The following MCC variants were observed in gnomAD, a reference collection of about 807,000 sequenced individuals.
MCC encodes the protein MCC regulator of Wnt signaling pathway, also known as colorectal mutant cancer protein.
A neutral mutation model predicts 116.2 loss-of-function variants in MCC; 90 were observed. That is an observed-to-expected ratio of 0.77 (90% CI 0.65 to 0.92). MCC has a LOEUF of 0.92. Ranked by LOEUF, MCC falls within the 40% of genes least tolerant of loss-of-function variation. MCC has a pLI of 0.00. For synonymous variants in MCC, 578 were observed against 510.5 expected (o/e 1.13, Z -1.78); for missense variants, 1,516 against 1,312.2 (o/e 1.16, Z -2.40).
intron 11 of MCC, among the ~76,000 whole-genome samples, chr5:113,076,492 T>A (rs984465296): frequency 6.6e-6 from 1 of 151,776 alleles, no homozygotes; most frequent in Admixed American, 6.6e-5. Flanking sequence ...CAGAAGAGAG[T>A]GGGGGCCAAT....
At chr5:113,132,443 T>TACACAC (rs140363649) in intron 5 of MCC, among the ~76,000 whole-genome samples, 7 of 36,578 alleles carry the variant, frequency 1.9e-4, no homozygotes, top group African/African-American at 3.3e-4. Context: ...TATATATATA[T>TACACAC]ACACACACAC....
chr5:113,487,896 G>C (rs760685148), intron 1 of MCC, among the ~76,000 whole-genome samples: 4 of 152,218 alleles, frequency 2.6e-5, no homozygotes, highest in African/African-American at 9.6e-5. Flanking sequence ...CCCCGAGGCT[G>C]TGGGGCAGCC....
intron 1 of MCC, among the ~76,000 whole-genome samples, chr5:113,467,678 T>G (rs140050237): frequency 0.72 from 109,731 of 151,906 alleles, 40,090 homozygotes; most frequent in East Asian, 0.88. Context: ...CTCTTTTTTG[T>G]TTCCATATGA....
chr5:113,152,904 G>A (rs570301693), intron 3 of MCC, among the ~76,000 whole-genome samples: 4 of 152,340 alleles, frequency 2.6e-5, no homozygotes, highest in Non-Finnish European at 4.4e-5. Context: ...GGCTAGGGTG[G>A]CTTGGAAAAG....
At chr5:113,474,577 G>A (rs1013625178) in intron 1 of MCC, among the ~76,000 whole-genome samples, 3 of 152,226 alleles carry the variant, frequency 2.0e-5, no homozygotes, top group African/African-American at 7.2e-5. Flanking sequence ...ACAGGCAACT[G>A]TTGAAGGATT....
chr5:113,289,447 T>A (rs1277147289), intron 3 of MCC, among the ~76,000 whole-genome samples: 1 of 152,126 alleles, frequency 6.6e-6, no homozygotes, highest in Admixed American at 6.5e-5. Context: ...GTGACACCCC[T>A]CTTGGAGAGG....
intron 16 of MCC, 69 bp downstream of exon 16, chr5:113,049,024 C>A: frequency 6.9e-7 from 1 of 1,458,808 alleles, no homozygotes; most frequent in Non-Finnish European, 9.6e-7. Flanking sequence ...GAGGTGTGGC[C>A]AGTGGTCACT....
intron 17 of MCC, among the ~76,000 whole-genome samples, chr5:113,029,868 G>A (rs182462521): frequency 1.6e-4 from 24 of 152,294 alleles, no homozygotes; most frequent in Admixed American, 6.5e-4. Context: ...CTATGTCACC[G>A]TATTACGTGC....
At chr5:113,055,660 CA>C (rs1021830052) in intron 14 of MCC, among the ~76,000 whole-genome samples, 24 of 152,362 alleles carry the variant, frequency 1.6e-4, no homozygotes, top group Admixed American at 1.6e-3. Context: ...TAAGCTAGAT[CA>C]GCCTGACCAT....
chr5:113,312,953 T>C (rs1351451375), intron 3 of MCC, among the ~76,000 whole-genome samples: 1 of 152,162 alleles, frequency 6.6e-6, no homozygotes, highest in Non-Finnish European at 1.5e-5. Flanking sequence ...AAACACAAGA[T>C]TCCTCCTCTT....
At chr5:113,429,933 A>G (rs1178053736) in intron 1 of MCC, among the ~76,000 whole-genome samples, 3 of 152,226 alleles carry the variant, frequency 2.0e-5, no homozygotes, top group Non-Finnish European at 2.9e-5. Flanking sequence ...AACCTAATCA[A>G]GGTCACGTCT....
intron 3 of MCC, among the ~76,000 whole-genome samples, chr5:113,191,982 G>C (rs779432745): frequency 1.3e-5 from 2 of 152,180 alleles, no homozygotes; most frequent in Non-Finnish European, 2.9e-5. Flanking sequence ...CCTACCTGCT[G>C]GATGCCTAGA....
intron 5 of MCC, among the ~76,000 whole-genome samples, chr5:113,138,440 A>C (rs1018482537): frequency 6.6e-6 from 1 of 152,208 alleles, no homozygotes; most frequent in Non-Finnish European, 1.5e-5. Context: ...TGGTGCCCTC[A>C]TATGAAGATA....
At chr5:113,196,904 C>CTGAT (rs1762440011) in intron 3 of MCC, among the ~76,000 whole-genome samples, 2 of 152,090 alleles carry the variant, frequency 1.3e-5, no homozygotes, top group Non-Finnish European at 2.9e-5. Context: ...GAGTTTGGGC[C>CTGAT]CTGTGATCTG....
intron 1 of MCC, among the ~76,000 whole-genome samples, chr5:113,485,532 G>T (rs575773193): frequency 3.3e-5 from 5 of 152,174 alleles, no homozygotes; most frequent in Non-Finnish European, 5.9e-5. Context: ...TAATGATACA[G>T]GCACAACTTA....
chr5:113,056,474 C>G (rs956626261), intron 14 of MCC, among the ~76,000 whole-genome samples: 1 of 152,114 alleles, frequency 6.6e-6, no homozygotes, highest in African/African-American at 2.4e-5. Context: ...AATGTGGGAA[C>G]AGAAAACCAA....
At chr5:113,043,675 G>A (rs763678462) in intron 16 of MCC, 45 bp from the exon 17 acceptor site, 1 of 1,434,344 alleles carries the variant, frequency 7.0e-7, no homozygotes, top group South Asian at 1.2e-5. Flanking sequence ...ATCCAAGCCG[G>A]CAGCACCCTG....
At chr5:113,193,439 G>C (rs537862195) in intron 3 of MCC, among the ~76,000 whole-genome samples, 1 of 152,226 alleles carries the variant, frequency 6.6e-6, no homozygotes, top group East Asian at 1.9e-4. Flanking sequence ...GGGGTTGTTG[G>C]AAATATTTTC....
intron 3 of MCC, among the ~76,000 whole-genome samples, chr5:113,165,843 A>G (rs777083032): frequency 6.6e-6 from 1 of 152,120 alleles, no homozygotes; most frequent in African/African-American, 2.4e-5. Flanking sequence ...GGTAATCACA[A>G]ATAGCACACA....
Sources: gnomAD v4.1 joint callset for allele counts (sites outside exome capture counted in the v4.1 genomes callset) on GRCh38, gnomAD v4.1.1 for gene constraint, MANE v1.5 for transcripts, NCBI Gene and HGNC (gene_info 2026-07-23, HGNC 2026-07-21) for gene names.